The following MYLK4 variants were observed in gnomAD, a reference collection of about 807,000 sequenced individuals.
MYLK4 encodes caMLCK like.
Under a neutral mutation model 48.1 loss-of-function variants are expected in MYLK4, and 46 were observed. The ratio of observed to expected loss-of-function variants is 0.96; its 90% confidence interval spans 0.75 to 1.22. The LOEUF (loss-of-function observed/expected upper bound fraction) is 1.22, where lower values mean the gene tolerates loss of function less well. Ranked by LOEUF, MYLK4 falls within the 50% of genes most tolerant of loss-of-function variation. MYLK4 has a pLI of 0.00. For missense variants in MYLK4, 451 were observed against 486.1 expected (o/e 0.93, Z 0.68); for synonymous variants, 170 against 180.8 (o/e 0.94, Z 0.48).
intron 6 of MYLK4, among the ~76,000 whole-genome samples, chr6:2,684,178 C>G (rs1341768562): frequency 6.6e-6 from 1 of 152,156 alleles, no homozygotes; most frequent in East Asian, 1.9e-4. Context: ...TCCGTGAACA[C>G]AAGCATGGCG....
intron 2 of MYLK4, among the ~76,000 whole-genome samples, chr6:2,748,044 T>TTTATATA (rs1343817598): frequency 2.6e-5 from 4 of 152,210 alleles, no homozygotes; most frequent in Admixed American, 6.5e-5. Flanking sequence ...TTATATACAA[T>TTTATATA]CTCTCTATTT....
At chr6:2,728,694 C>T (rs1377602485) in intron 2 of MYLK4, among the ~76,000 whole-genome samples, 2 of 152,230 alleles carry the variant, frequency 1.3e-5, no homozygotes, top group African/African-American at 4.8e-5. Context: ...TTCTGTCCTT[C>T]TGTCCTAGTT....
chr6:2,743,442 G>T (rs569579928), intron 2 of MYLK4, among the ~76,000 whole-genome samples: 2 of 152,236 alleles, frequency 1.3e-5, no homozygotes. Context: ...AATAGCTATG[G>T]TGTTACATGA....
In MYLK4 at chr6:2,738,338, T is replaced by C. The variant is rs144851616; in HGVS notation, c.159+10798A>G. On this transcript the variant is annotated intron_variant, in intron 2 of 12. Coordinates refer to ENST00000274643, the MANE Select transcript of MYLK4 (RefSeq NM_001012418.5). ...TGAGCATAGGAAACATCTTAATACA[T>C]TGTTTAATGAAACAAAGTATTTTAG... Among the ~76,000 whole-genome samples the C allele has an allele frequency of 3.4e-3, 522 of 152,350 alleles. 4 individuals are homozygous for C. The highest frequency in any genetic ancestry group is 0.012 in the African/African-American group (503 of 41,576).
At chr6:2,714,417 C>T (rs1221527711) in intron 2 of MYLK4, among the ~76,000 whole-genome samples, 2 of 152,178 alleles carry the variant, frequency 1.3e-5, no homozygotes, top group Non-Finnish European at 2.9e-5. Context: ...TTGCCAATAC[C>T]CCACACATTG....
Position 2,666,934 on chromosome 6 carries a change from C to T in MYLK4, c.*991G>A, listed in dbSNP as rs9501867. 58,834 of 152,096 alleles carry T rather than the reference C, an allele frequency of 0.39. 11,659 individuals are homozygous for T. Among genetic ancestry groups the T allele is most frequent in the African/African-American group, 0.42 (17,254 of 41,472 alleles). The allele number at this position is 152,096 out of a possible 1,614,324, so 9.4% of individuals were successfully genotyped here. A position where few individuals can be genotyped will look rare whatever the true frequency, so the allele number is the denominator to read the frequency against. On this transcript the variant is annotated 3_prime_UTR_variant, in exon 13 of 13. Transcript: ENST00000274643. ...ATTGAGTCCCATGAGACAGCACAGG[C>T]GAGAGACTGTACTTGGTCTTTGCCA...
intron 2 of MYLK4, among the ~76,000 whole-genome samples, chr6:2,708,410 G>T (rs1385266439): frequency 1.3e-5 from 2 of 152,088 alleles, no homozygotes; most frequent in African/African-American, 4.8e-5. Flanking sequence ...TCACAGATTT[G>T]CCATACAATG....
chr6:2,696,991 G>A (rs1489762304), intron 2 of MYLK4, among the ~76,000 whole-genome samples: 1 of 152,150 alleles, frequency 6.6e-6, no homozygotes, highest in Non-Finnish European at 1.5e-5. Flanking sequence ...CCCTGGAGGC[G>A]GAGGTTGCCG....
chr6:2,766,017 G>A, the MYLK4 span: 25 of 1,336,444 alleles, frequency 1.9e-5, no homozygotes, highest in African/African-American at 6.1e-5. Flanking sequence ...GCCCGCTCCA[G>A]CAGCCCCGGG....
chr6:2,684,433 C>T (rs1433801775), intron 6 of MYLK4, among the ~76,000 whole-genome samples: 4 of 152,214 alleles, frequency 2.6e-5, no homozygotes, highest in Non-Finnish European at 4.4e-5. Context: ...AAAGTGTGGG[C>T]AAGGGAGGAC....
chr6:2,753,022 C>T (rs184172989), upstream of MYLK4, among the ~76,000 whole-genome samples: 30 of 152,308 alleles, frequency 2.0e-4, no homozygotes, highest in East Asian at 2.7e-3. Context: ...ATAAAATGTT[C>T]TGCATGCTTA....
intron 2 of MYLK4, among the ~76,000 whole-genome samples, chr6:2,738,412 A>G (rs1421868350): frequency 1.3e-5 from 2 of 152,254 alleles, no homozygotes; most frequent in Non-Finnish European, 2.9e-5. Context: ...GCCTTATTCT[A>G]TATGCATGAG....
chr6:2,707,219 A>G (rs541898366), intron 2 of MYLK4, among the ~76,000 whole-genome samples: 1 of 152,224 alleles, frequency 6.6e-6, no homozygotes, highest in Non-Finnish European at 1.5e-5. Flanking sequence ...AACTGCTTTA[A>G]GAATAGTAAC....
At chr6:2,688,290 C>T (rs776272928) in intron 4 of MYLK4, among the ~76,000 whole-genome samples, 10 of 152,164 alleles carry the variant, frequency 6.6e-5, no homozygotes, top group Non-Finnish European at 1.3e-4. Flanking sequence ...AACTCCTGAC[C>T]TCAAGTGATC....
At chr6:2,684,821 T>A (rs930972030) in intron 6 of MYLK4, among the ~76,000 whole-genome samples, 1 of 152,152 alleles carries the variant, frequency 6.6e-6, no homozygotes, top group Non-Finnish European at 1.5e-5. Context: ...TTTGCAGGGA[T>A]CCTGGGACCA....
the MYLK4 span, among the ~76,000 whole-genome samples, chr6:2,765,205 GC>G: frequency 0.12 from 7,417 of 63,786 alleles, 1,186 homozygotes; most frequent in East Asian, 0.27. Context: ...CCCCTCCCCC[GC>G]CCCCGCAAAG....
At chr6:2,768,778 G>C in the MYLK4 span, 1 of 1,613,932 alleles carries the variant, frequency 6.2e-7, no homozygotes, top group South Asian at 1.1e-5. Context: ...CAAGACAAAT[G>C]ATGTGCGAGA....
rs545111712 is a variant in MYLK4 at position 2,690,861 on chromosome 6, G to T, written c.236-1905C>A. ...TTTTTTTTTTTTGAGACCGAGTCTCGCTCTGTCGCCCAGGCTGGAGTGCAG... is the reference window on the plus strand; with the variant it reads ...TTTTTTTTTTTTGAGACCGAGTCTCTCTCTGTCGCCCAGGCTGGAGTGCAG... On this transcript the variant is annotated intron_variant, in intron 3 of 12. Coordinates refer to ENST00000274643, the MANE Select transcript of MYLK4 (RefSeq NM_001012418.5). Among the ~76,000 whole-genome samples, 343 of 116,282 alleles carry T rather than the reference G, an allele frequency of 2.9e-3. 1 individual carries two copies. Among genetic ancestry groups the T allele is most frequent in the Non-Finnish European group, 4.2e-3 (258 of 61,776 alleles). The allele number at this position is 116,282 out of a possible 152,430, so 76.3% of individuals were successfully genotyped here.
At chr6:2,702,467 C>A (rs1364007124) in intron 2 of MYLK4, among the ~76,000 whole-genome samples, 4 of 151,816 alleles carry the variant, frequency 2.6e-5, no homozygotes, top group Non-Finnish European at 5.9e-5. Context: ...TCTTACAAAT[C>A]AAAATTTAGA....
Sources: gnomAD v4.1 joint callset for allele counts (sites outside exome capture counted in the v4.1 genomes callset) on GRCh38, gnomAD v4.1.1 for gene constraint, MANE v1.5 for transcripts, NCBI Gene and HGNC (gene_info 2026-07-23, HGNC 2026-07-21) for gene names.